The following IGFL2 variants were observed in gnomAD, a reference collection of about 807,000 sequenced individuals.
The protein encoded by IGFL2 is insulin growth factor-like family member 2.
A neutral mutation model predicts 13.9 loss-of-function variants in IGFL2; 7 were observed. That is an observed-to-expected ratio of 0.51 (90% CI 0.29 to 0.95). The LOEUF is 0.95. Among genes scored for constraint, IGFL2 ranks in the 40% least tolerant of loss-of-function variants. The pLI is 0.08. For synonymous variants in IGFL2, 55 were observed against 55.8 expected, an observed-to-expected ratio of 0.99 and a Z score of 0.07; for missense variants, 138 against 147.8, an observed-to-expected ratio of 0.93 and a Z score of 0.34.
At position 46,161,059 on chromosome 19, in the gene IGFL2, T is replaced by C; in HGVS notation, c.342-11T>C. The C allele has an allele frequency of 6.3e-7, 1 of 1,587,686 alleles. No homozygotes were observed. Among genetic ancestry groups the C allele is most frequent in the Non-Finnish European group, 8.6e-7 (1 of 1,165,378 alleles). The stretch of plus-strand genomic sequence containing the variant: ...GTTATTCGTAATTTCTTGGTTTCTT[T>C]TTCTCTGTAGCAGAAGACGTTTTCC... On this transcript the variant is annotated splice_polypyrimidine_tract_variant and intron_variant, in intron 3 of 3. Coordinates refer to ENST00000377693, the MANE Select transcript of IGFL2 (RefSeq NM_001135113.2).
the IGFL2 span, chr19:46,111,981 C>T: frequency 6.6e-6 from 1 of 152,312 alleles, no homozygotes; most frequent in East Asian, 1.9e-4. Flanking sequence ...AGCTTTGTTA[C>T]ATGGAACTTT....
At chr19:46,086,335 G>GT in the IGFL2 span, among the ~76,000 whole-genome samples, 3 of 150,348 alleles carry the variant, frequency 2.0e-5, no homozygotes, top group Non-Finnish European at 3.0e-5. Flanking sequence ...TTTTTTTCTT[G>GT]TTTTTTGGAG....
At chr19:46,130,700 T>TCC in the IGFL2 span, among the ~76,000 whole-genome samples, 3 of 152,232 alleles carry the variant, frequency 2.0e-5, no homozygotes, top group African/African-American at 7.2e-5. Flanking sequence ...GGATGAAGGT[T>TCC]CCCAGTATTT....
At chr19:46,158,186 T>TC (rs1973926356) in intron 1 of IGFL2, among the ~76,000 whole-genome samples, 1 of 151,868 alleles carries the variant, frequency 6.6e-6, no homozygotes, top group African/African-American at 2.4e-5. Flanking sequence ...AGATGTTAGT[T>TC]CCCCCCAAAT....
the IGFL2 span, among the ~76,000 whole-genome samples, chr19:46,175,843 ATTTTTTTT>A: frequency 1.7e-5 from 2 of 119,976 alleles, no homozygotes; most frequent in East Asian, 2.4e-4. Flanking sequence ...GCCTGGCACT[ATTTTTTTT>A]TTTTTTTTTG....
At chr19:46,128,749 G>A in the IGFL2 span, among the ~76,000 whole-genome samples, 1 of 152,210 alleles carries the variant, frequency 6.6e-6, no homozygotes, top group Admixed American at 6.5e-5. Flanking sequence ...AGTTTGCCGG[G>A]ATTTCTTGAG....
At chr19:46,151,215 T>C (rs962317423) in intron 1 of IGFL2, among the ~76,000 whole-genome samples, 3 of 152,190 alleles carry the variant, frequency 2.0e-5, no homozygotes, top group African/African-American at 7.2e-5. Flanking sequence ...GCTAAGAGTT[T>C]TATATGTTCG....
At chr19:46,147,871 G>A (rs1006273754), upstream of IGFL2, 1 of 173,794 alleles carries the variant, frequency 5.8e-6, no homozygotes, top group African/African-American at 2.4e-5. Context: ...GAAACTTCAG[G>A]GTGGATGAAT....
the IGFL2 span, among the ~76,000 whole-genome samples, chr19:46,176,979 C>G: frequency 6.6e-6 from 1 of 152,172 alleles, no homozygotes; most frequent in African/African-American, 2.4e-5. Flanking sequence ...CACGCATTAC[C>G]CTACCCACTG....
the IGFL2 span, among the ~76,000 whole-genome samples, chr19:46,129,307 T>TTGTGTG: frequency 9.0e-3 from 1,235 of 137,030 alleles, 3 homozygotes; most frequent in South Asian, 0.012. Context: ...TGTTGATCTT[T>TTGTGTG]TGTGTGTGTG....
chr19:46,133,158 C>T, the IGFL2 span, among the ~76,000 whole-genome samples: 5 of 152,240 alleles, frequency 3.3e-5, no homozygotes, highest in East Asian at 9.7e-4. Context: ...GCAGTCCCAT[C>T]AGCTCACAAG....
the IGFL2 span, chr19:46,208,427 T>C: frequency 6.6e-6 from 1 of 152,126 alleles, no homozygotes; most frequent in South Asian, 2.1e-4. Context: ...GGGATGGGAA[T>C]GAGGCCAGGG....
In IGFL2 at chr19:46,160,669, G is replaced by C. The variant is rs1223541040; in HGVS notation, c.129G>C (p.Lys43Asn). ...AGCCGGCACCCAGGTGTGGAGACAA[G>C]ATCTACAACCCCTTGGAGCAGTGCT... ...LCQPAPRCGD[K>N]IYNPLEQCCY... Residue 43 changes from lysine to asparagine, a missense_variant, in exon 3 of 4, where the codon AAG becomes AAC. Transcript: ENST00000377693. 2 of 1,614,174 alleles carry C rather than the reference G, an allele frequency of 1.2e-6. No homozygotes were observed. The highest frequency in any genetic ancestry group is 1.7e-6 in the Non-Finnish European group (2 of 1,180,022).
At chr19:46,199,901 G>A in the IGFL2 span, among the ~76,000 whole-genome samples, 3,432 of 152,220 alleles carry the variant, frequency 0.023, 73 homozygotes, top group Non-Finnish European at 0.033. Flanking sequence ...TAATTGAGAC[G>A]GAGTCTCGCT....
At chr19:46,140,260 T>TAC (rs1265840759), upstream of IGFL2, among the ~76,000 whole-genome samples, 7 of 151,716 alleles carry the variant, frequency 4.6e-5, no homozygotes, top group Admixed American at 4.6e-4. Flanking sequence ...TATATATATA[T>TAC]ATATATATCT....
chr19:46,195,444 T>G, the IGFL2 span, among the ~76,000 whole-genome samples: 1 of 152,202 alleles, frequency 6.6e-6, no homozygotes, highest in Admixed American at 6.5e-5. Flanking sequence ...TGTGCCCTTC[T>G]CATAGAGAAA....
chr19:46,150,856 G>C (rs766226152), intron 1 of IGFL2, among the ~76,000 whole-genome samples: 1 of 152,080 alleles, frequency 6.6e-6, no homozygotes, highest in Non-Finnish European at 1.5e-5. Context: ...TCATAGAGAC[G>C]ATGTCTCACT....
chr19:46,211,829 G>A, the IGFL2 span, among the ~76,000 whole-genome samples: 1 of 152,068 alleles, frequency 6.6e-6, no homozygotes, highest in East Asian at 1.9e-4. Flanking sequence ...CCAGGTTCTC[G>A]GGCCAGGCTG....
upstream of IGFL2, among the ~76,000 whole-genome samples, chr19:46,142,737 A>G (rs1972914568): frequency 1.3e-5 from 2 of 152,240 alleles, no homozygotes; most frequent in Admixed American, 1.3e-4. Flanking sequence ...CTGTATGTAC[A>G]GACAAGCCCA....
Sources: allele counts gnomAD v4.1 joint callset (sites outside exome capture counted in the v4.1 genomes callset), GRCh38; gene constraint gnomAD v4.1.1; transcripts MANE v1.5; gene names NCBI Gene and HGNC (gene_info 2026-07-23, HGNC 2026-07-21).